Variants in MBNL2 observed in about 807,000 individuals in gnomAD.
MBNL2 encodes muscleblind like splicing regulator 2, also known as muscleblind-like protein 2.
Under a neutral mutation model 41.9 loss-of-function variants are expected in MBNL2, and 17 were observed. The observed-to-expected ratio is 0.41, with a 90% CI of 0.28 to 0.61. The LOEUF (loss-of-function observed/expected upper bound fraction) is 0.61, where lower values mean the gene tolerates loss of function less well. Among genes scored for constraint, MBNL2 ranks in the 20% least tolerant of loss-of-function variants. The pLI is 0.35. For missense variants in MBNL2, 336 were observed against 505.6 expected, an observed-to-expected ratio of 0.66 and a Z score of 3.22; for synonymous variants, 195 against 182.9, an observed-to-expected ratio of 1.07 and a Z score of -0.53.
At chr13:97,382,161 TACAGTCCCTA>T (rs2065509175) in intron 8 of MBNL2, among the ~76,000 whole-genome samples, 3 of 152,238 alleles carry the variant, frequency 2.0e-5, no homozygotes, top group African/African-American at 7.2e-5. Flanking sequence ...TTAGTACACA[TACAGTCCCTA>T]ATTTTAAACA....
chr13:97,259,187 G>A (rs552623501), intron 1 of MBNL2, among the ~76,000 whole-genome samples: 60 of 152,238 alleles, frequency 3.9e-4, no homozygotes, highest in Middle Eastern at 3.4e-3. Flanking sequence ...GTCCAGGACC[G>A]CAGTATCTCC....
chr13:97,383,306 T>C (rs1382284606), intron 8 of MBNL2, among the ~76,000 whole-genome samples: 1 of 152,220 alleles, frequency 6.6e-6, no homozygotes, highest in African/African-American at 2.4e-5. Flanking sequence ...CATGGACTCA[T>C]GCAAAGAGCA....
chr13:97,341,189 G>C (rs2061413974), intron 3 of MBNL2, among the ~76,000 whole-genome samples: 2 of 152,050 alleles, frequency 1.3e-5, no homozygotes, highest in Admixed American at 6.5e-5. Context: ...CCATGCATCA[G>C]ATCATTTAGT....
chr13:97,371,805 T>A (rs1296385136), intron 8 of MBNL2, among the ~76,000 whole-genome samples: 1 of 152,206 alleles, frequency 6.6e-6, no homozygotes, highest in African/African-American at 2.4e-5. Flanking sequence ...AAAATGATTT[T>A]GTACTATGGC....
the MBNL2 span, among the ~76,000 whole-genome samples, chr13:97,164,812 T>C: frequency 3.3e-5 from 5 of 152,304 alleles, no homozygotes; most frequent in Non-Finnish European, 2.9e-5. Context: ...CTGATGCCCA[T>C]CCATCAGTGA....
the MBNL2 span, among the ~76,000 whole-genome samples, chr13:97,205,613 A>AG: frequency 6.6e-6 from 1 of 152,138 alleles, no homozygotes; most frequent in Non-Finnish European, 1.5e-5. Flanking sequence ...CCTTAGATCA[A>AG]TTTTTCCTTG....
At chr13:97,232,793 G>A (rs573011468) in intron 1 of MBNL2, among the ~76,000 whole-genome samples, 127 of 151,418 alleles carry the variant, frequency 8.4e-4, no homozygotes, top group Non-Finnish European at 1.4e-3. Context: ...GATAGCTAGG[G>A]CATCATCTCC....
the MBNL2 span, among the ~76,000 whole-genome samples, chr13:97,202,091 T>C: frequency 6.6e-6 from 1 of 152,252 alleles, no homozygotes; most frequent in African/African-American, 2.4e-5. Flanking sequence ...GTGGTTATAT[T>C]TTTTAAAGTT....
chr13:97,276,530 G>A (rs2052166862), intron 2 of MBNL2, 121 bp downstream of exon 2: 1 of 954,636 alleles, frequency 1.0e-6, no homozygotes, highest in Admixed American at 2.2e-5. Context: ...CTTGTTTGTG[G>A]TGACTGTTGG....
chr13:97,164,584 C>G, the MBNL2 span, among the ~76,000 whole-genome samples: 5 of 151,982 alleles, frequency 3.3e-5, no homozygotes, highest in African/African-American at 4.8e-5. Context: ...GAAAATGGTA[C>G]CATGTAAATA....
At chr13:97,242,782 C>T (rs545875816) in intron 1 of MBNL2, among the ~76,000 whole-genome samples, 130 of 151,246 alleles carry the variant, frequency 8.6e-4, no homozygotes, top group African/African-American at 3.0e-3. Flanking sequence ...TTTTTTTTCC[C>T]CCCTCCTGTA....
At chr13:97,152,913 T>A in the MBNL2 span, among the ~76,000 whole-genome samples, 4 of 152,218 alleles carry the variant, frequency 2.6e-5, no homozygotes, top group South Asian at 8.3e-4. Context: ...GGTCCCAGGA[T>A]GACATCTCAG....
intron 2 of MBNL2, among the ~76,000 whole-genome samples, chr13:97,295,150 A>G (rs1234343890): frequency 6.6e-6 from 1 of 152,212 alleles, no homozygotes; most frequent in East Asian, 1.9e-4. Context: ...ATGAAGAGGA[A>G]GTAACTTGCT....
chr13:97,152,491 C>A, the MBNL2 span, among the ~76,000 whole-genome samples: 4 of 152,138 alleles, frequency 2.6e-5, no homozygotes, highest in Non-Finnish European at 4.4e-5. Context: ...CCAAGCACAT[C>A]ATTCTTAAAT....
intron 2 of MBNL2, among the ~76,000 whole-genome samples, chr13:97,298,693 T>C (rs1193425564): frequency 6.6e-6 from 1 of 152,192 alleles, no homozygotes; most frequent in Non-Finnish European, 1.5e-5. Flanking sequence ...AAATCACCAA[T>C]AAGTTTCTGT....
chr13:97,230,272 A>G (rs2042204263), intron 1 of MBNL2, among the ~76,000 whole-genome samples: 1 of 152,200 alleles, frequency 6.6e-6, no homozygotes, highest in African/African-American at 2.4e-5. Flanking sequence ...CAGAAATTCT[A>G]GGAGGAGTGA....
intron 1 of MBNL2, among the ~76,000 whole-genome samples, chr13:97,236,405 G>C (rs935192311): frequency 2.0e-5 from 3 of 152,074 alleles, no homozygotes; most frequent in Admixed American, 6.5e-5. Context: ...AAGGTTGGAG[G>C]GGGTGCTCCT....
intron 2 of MBNL2, among the ~76,000 whole-genome samples, chr13:97,284,259 A>T (rs902875958): frequency 2.0e-5 from 3 of 152,116 alleles, no homozygotes; most frequent in Admixed American, 6.5e-5. Flanking sequence ...TTTAAGGGCC[A>T]CGCTCCCTCT....
chr13:97,304,320 A>G (rs1366323679), intron 2 of MBNL2, among the ~76,000 whole-genome samples: 1 of 152,222 alleles, frequency 6.6e-6, no homozygotes, highest in East Asian at 1.9e-4. Context: ...CTTAGCAGGG[A>G]AAGTGTTTAT....
Sources: gnomAD v4.1 joint callset for allele counts (sites outside exome capture counted in the v4.1 genomes callset) on GRCh38, gnomAD v4.1.1 for gene constraint, MANE v1.5 for transcripts, NCBI Gene and HGNC (gene_info 2026-07-23, HGNC 2026-07-21) for gene names.